Variants in NOTCH2 observed in about 807,000 individuals in gnomAD.
The protein encoded by NOTCH2 is neurogenic locus notch homolog protein 2.
A neutral mutation model predicts 235.8 loss-of-function variants in NOTCH2; 29 were observed. The observed-to-expected ratio is 0.12, with a 90% CI of 0.09 to 0.17. The LOEUF is 0.17. NOTCH2 is among the 10% of genes least tolerant of loss of function. NOTCH2 has a pLI of 1.00. For synonymous variants in NOTCH2, 1,086 were observed against 1,141.5 expected (o/e 0.95, Z 0.98); for missense variants, 2,285 against 3,150.2 (o/e 0.73, Z 6.57).
In NOTCH2 at chr1:119,917,685, G is replaced by C. The variant is rs312262801; in HGVS notation, c.6007C>G (p.Arg2003Gly). The C allele has an allele frequency of 1.9e-5, 31 of 1,612,742 alleles. 1 individual carries two copies. In the South Asian group the frequency reaches 2.6e-4, roughly 14 times the overall value. ...TGTACCTTGTTGTCCTGCATGTCTC[G>C]GTTGGCCCCATTTTTCAACAACAAA... ...TLLLLKNGAN[R>G]DMQDNKEETP... Residue 2003 changes from arginine to glycine, a missense_variant, in exon 33 of 34, where the codon CGA (arginine) becomes GGA (glycine). Arg to Gly is a moderately radical substitution (Grantham distance 125). Transcript: ENST00000256646.
At chr1:119,960,736 C>T (rs12036291) in intron 11 of NOTCH2, among the ~76,000 whole-genome samples, 1 of 151,934 alleles carries the variant, frequency 6.6e-6, no homozygotes, top group Admixed American at 6.6e-5. Context: ...AGCAATGACA[C>T]GAGCACAGCT....
intron 5 of NOTCH2, 130 bp from the exon 6 acceptor site, chr1:119,969,874 G>A: frequency 1.2e-6 from 1 of 823,142 alleles, no homozygotes. Context: ...CAGAAGGCTG[G>A]GTCTTCACAT....
At chr1:119,938,543 AC>A (rs1649946329) in intron 19 of NOTCH2, among the ~76,000 whole-genome samples, 1 of 152,240 alleles carries the variant, frequency 6.6e-6, no homozygotes, top group Non-Finnish European at 1.5e-5. Flanking sequence ...AGCACCTCTT[AC>A]CACCACACAG....
Position 119,929,208 on chromosome 1 carries a change from T to G in NOTCH2, c.3660A>C (p.Leu1220=), listed in dbSNP as rs1649570797. The change falls in exon 23 of 34, where the codon CTA becomes CTC. Residue 1220 remains leucine, a synonymous_variant. Transcript: ENST00000256646. Reference sequence around the variant, plus strand: ...AGTCATCAATGTTCTCTTCACAGAGTAGGCCTGGAGGAAAGAGAAGAGGTA... The same window carrying G: ...AGTCATCAATGTTCTCTTCACAGAGGAGGCCTGGAGGAAAGAGAAGAGGTA... The part of the protein sequence containing the change: ...KCSCPPGTRG[L]LCEENIDDCA... The G allele has an allele frequency of 9.3e-6, 15 of 1,612,654 alleles. No individual in the cohort carries two copies. Among genetic ancestry groups the G allele is most frequent in the Non-Finnish European group, 1.1e-5 (13 of 1,178,682 alleles).
intron 12 of NOTCH2, among the ~76,000 whole-genome samples, chr1:119,955,832 T>C (rs992282361): frequency 3.3e-5 from 5 of 152,238 alleles, no homozygotes; most frequent in South Asian, 2.1e-4. Flanking sequence ...TGTCTTCTGA[T>C]ATTAGAGAAA....
chr1:119,948,369 G>A, intron 17 of NOTCH2, 45 bp downstream of exon 17: 1 of 1,611,876 alleles, frequency 6.2e-7, no homozygotes, highest in Non-Finnish European at 8.5e-7. Context: ...CTCCCTGTGT[G>A]TTTTCCTCTC....
At chr1:119,931,762 G>A (rs1359291219) in intron 22 of NOTCH2, among the ~76,000 whole-genome samples, 4 of 151,622 alleles carry the variant, frequency 2.6e-5, no homozygotes, top group South Asian at 4.2e-4. Context: ...ATTTCTTTAC[G>A]ATCTTCAAGT....
intron 6 of NOTCH2, 115 bp from the exon 7 acceptor site, chr1:119,968,347 G>A: frequency 1.7e-6 from 2 of 1,161,004 alleles, no homozygotes; most frequent in Non-Finnish European, 2.5e-6. Context: ...AATCCAACAT[G>A]GAGATTTATA....
At chr1:119,978,656 G>A (rs587667662) in intron 5 of NOTCH2, among the ~76,000 whole-genome samples, 3 of 152,318 alleles carry the variant, frequency 2.0e-5, no homozygotes, top group African/African-American at 7.2e-5. Context: ...TCAGAAAGCT[G>A]ACCCCCGCCA....
In NOTCH2 at chr1:119,915,765, C is replaced by T. The variant is rs369891453; in HGVS notation, c.6957G>A (p.Ala2319=). 9.9e-5 allele frequency: 159 copies of T among 1,607,988 alleles called. No homozygotes were observed. The highest frequency in any genetic ancestry group is 2.5e-4 in the East Asian group (11 of 44,750). ...AGGTGGACTGAGGCTGGGGAGCCCC[C>T]GCTGGTTGGGCAATACTGCCTTTAG... ...LIPKGSIAQP[A]GAPQPQSTCP... is the part of the protein sequence containing the mutation. The change falls in exon 34 of 34, where the codon GCG becomes GCA. Residue 2319 remains alanine, a synonymous_variant. Transcript: ENST00000256646.
intron 1 of NOTCH2, among the ~76,000 whole-genome samples, chr1:120,057,479 AGAG>A (rs1393748500): frequency 2.7e-5 from 3 of 109,250 alleles, no homozygotes; most frequent in African/African-American, 2.5e-4. Flanking sequence ...AGCAGAGCCC[AGAG>A]GAGAAGGGCC....
chr1:119,994,550 A>G, intron 4 of NOTCH2: 1 of 144,656 alleles, frequency 6.9e-6, no homozygotes, highest in Non-Finnish European at 1.5e-5. Context: ...ACACACACAC[A>G]CACACACACA....
chr1:119,955,384 A>AAT, intron 12 of NOTCH2, 152 bp from the exon 13 acceptor site: 1 of 724,094 alleles, frequency 1.4e-6, no homozygotes. Context: ...TTAGACACCC[A>AAT]ATAACACTTA....
Position 119,927,832 on chromosome 1 carries a change from G to T in NOTCH2, c.3892+1144C>A, listed in dbSNP as rs146101407. On this transcript the variant is annotated intron_variant, in intron 23 of 33. Coordinates refer to ENST00000256646, the MANE Select transcript of NOTCH2 (RefSeq NM_024408.4). ...GGACTATTTCTTTTTTGATGTTAGT[G>T]TATCCAGGGAGCTTCCATATTGCAG... is the stretch of plus-strand genomic sequence containing the variant. 4.0e-3 allele frequency among the ~76,000 whole-genome samples: 606 copies of T among 152,256 alleles called. 5 individuals are homozygous for T. The highest frequency in any genetic ancestry group is 4.5e-3 in the Non-Finnish European group (308 of 68,014).
chr1:119,929,364 C>CTG, intron 22 of NOTCH2, 152 bp from the exon 23 acceptor site: 1 of 705,958 alleles, frequency 1.4e-6, no homozygotes, highest in South Asian at 1.6e-5. Context: ...GCAAAGCACA[C>CTG]TCTTTATTCA....
intron 23 of NOTCH2, among the ~76,000 whole-genome samples, chr1:119,927,914 T>C (rs1649528685): frequency 2.0e-5 from 3 of 152,162 alleles, no homozygotes. Flanking sequence ...TCTTTAAAGT[T>C]GGAAGGAAAG....
chr1:120,007,238 GT>G (rs1172329014), intron 2 of NOTCH2, among the ~76,000 whole-genome samples: 2 of 150,652 alleles, frequency 1.3e-5, no homozygotes, highest in Non-Finnish European at 2.9e-5. Flanking sequence ...AGAAGGTCTG[GT>G]TTGGAGTTCT....
Position 119,914,209 on chromosome 1 carries a change from TGAAACAGGCCTAGAATGCTCAGATCTGG to T in NOTCH2, c.*1069_*1096del, listed in dbSNP as rs1484595195. 5 of 232,998 alleles carry T rather than the reference TGAAACAGGCCTAGAATGCTCAGATCTGG, an allele frequency of 2.1e-5. No individual in the cohort carries two copies. The highest frequency in any genetic ancestry group is 8.8e-5 in the African/African-American group (4 of 45,280). 14.4% of individuals were successfully genotyped at this position (232,998 alleles called of 1,614,324 possible). A position where few individuals can be genotyped will look rare whatever the true frequency, so the allele number is the denominator to read the frequency against. On this transcript the variant is annotated 3_prime_UTR_variant, in exon 34 of 34. Coordinates refer to ENST00000256646, the MANE Select transcript of NOTCH2 (RefSeq NM_024408.4). ...TAGTTTCATATGCTGGGTGAGTGAG[TGAAACAGGCCTAGAATGCTCAGATCTGG>T]GACAAATGTGTTCCATACAGGCAGT...
intron 28 of NOTCH2, 83 bp from the exon 29 acceptor site, chr1:119,921,892 C>A: frequency 8.7e-7 from 1 of 1,147,972 alleles, no homozygotes; most frequent in Non-Finnish European, 1.3e-6. Context: ...CCATGACACA[C>A]TCCCGTGGCT....
Sources: gnomAD v4.1 joint callset for allele counts (sites outside exome capture counted in the v4.1 genomes callset) on GRCh38, gnomAD v4.1.1 for gene constraint, MANE v1.5 for transcripts, NCBI Gene and HGNC (gene_info 2026-07-23, HGNC 2026-07-21) for gene names.